Variants in ZZZ3 observed in about 807,000 individuals in gnomAD.
The protein encoded by ZZZ3 is zinc finger ZZ-type containing 3, also known as ZZ-type zinc finger-containing protein 3.
A neutral mutation model predicts 95.2 loss-of-function variants in ZZZ3; 22 were observed. That is an observed-to-expected ratio of 0.23 (90% CI 0.17 to 0.33). The LOEUF is 0.33. Ranked by LOEUF, ZZZ3 falls within the 10% of genes least tolerant of loss-of-function variation. The pLI, the probability that ZZZ3 is intolerant of heterozygous loss-of-function variation, is 1.00. For synonymous variants in ZZZ3, 335 were observed against 358.9 expected, an observed-to-expected ratio of 0.93 and a Z score of 0.75; for missense variants, 885 against 1,066.5, an observed-to-expected ratio of 0.83 and a Z score of 2.37.
chr1:77,653,739 T>C (rs539266269), intron 1 of ZZZ3, among the ~76,000 whole-genome samples: 2 of 150,404 alleles, frequency 1.3e-5, no homozygotes, highest in East Asian at 4.1e-4. Flanking sequence ...GGGAACAAGA[T>C]TGAAACTCTG....
chr1:77,620,419 AT>A (rs1666734643), intron 5 of ZZZ3, among the ~76,000 whole-genome samples: 1 of 151,974 alleles, frequency 6.6e-6, no homozygotes, highest in African/African-American at 2.4e-5. Context: ...ATAAGGAAGT[AT>A]GTTAAGTAAT....
At chr1:77,646,126 G>T (rs1156584799) in intron 1 of ZZZ3, among the ~76,000 whole-genome samples, 1 of 151,998 alleles carries the variant, frequency 6.6e-6, no homozygotes, top group Non-Finnish European at 1.5e-5. Context: ...TTCTCAAATT[G>T]TTCCTACCTC....
chr1:77,667,937 G>C (rs945205229), intron 1 of ZZZ3, among the ~76,000 whole-genome samples: 1 of 151,646 alleles, frequency 6.6e-6, no homozygotes, highest in African/African-American at 2.4e-5. Flanking sequence ...GCTAATTTTT[G>C]TATTTTTAGT....
chr1:77,631,631 T>C (rs1396781933), intron 5 of ZZZ3, among the ~76,000 whole-genome samples: 14 of 152,024 alleles, frequency 9.2e-5, no homozygotes. Flanking sequence ...AGACATGAAA[T>C]ATCAGAACTG....
At chr1:77,577,112 AG>A (rs1286095748) in intron 11 of ZZZ3, among the ~76,000 whole-genome samples, 1 of 152,208 alleles carries the variant, frequency 6.6e-6, no homozygotes, top group African/African-American at 2.4e-5. Flanking sequence ...TCAATAGCAC[AG>A]TCACAAAGAA....
At chr1:77,617,435 G>T (rs1465401773) in intron 5 of ZZZ3, among the ~76,000 whole-genome samples, 2 of 152,124 alleles carry the variant, frequency 1.3e-5, no homozygotes, top group Non-Finnish European at 2.9e-5. Flanking sequence ...ATGGTTTCAA[G>T]ATTCATTCAT....
chr1:77,635,900 T>C (rs1454851037), intron 4 of ZZZ3, among the ~76,000 whole-genome samples: 1 of 151,860 alleles, frequency 6.6e-6, no homozygotes, highest in Non-Finnish European at 1.5e-5. Flanking sequence ...AGCGAGACTC[T>C]GTCTCAAAAA....
intron 5 of ZZZ3, among the ~76,000 whole-genome samples, chr1:77,614,503 TATA>T (rs920919798): frequency 3.9e-5 from 6 of 152,336 alleles, no homozygotes; most frequent in South Asian, 4.1e-4. Context: ...TTAAATCCCC[TATA>T]ATATCTTTAT....
chr1:77,640,070 A>C (rs1430642914), intron 3 of ZZZ3, among the ~76,000 whole-genome samples: 1 of 152,106 alleles, frequency 6.6e-6, no homozygotes, highest in Non-Finnish European at 1.5e-5. Flanking sequence ...TAATCAACCA[A>C]ATCTTCTATA....
chr1:77,653,701 C>G (rs1207571003), intron 1 of ZZZ3, among the ~76,000 whole-genome samples: 1 of 151,644 alleles, frequency 6.6e-6, no homozygotes, highest in African/African-American at 2.4e-5. Context: ...TGCGGTGAGC[C>G]TAGATCGTGC....
intron 5 of ZZZ3, among the ~76,000 whole-genome samples, chr1:77,603,994 T>C (rs1664987167): frequency 6.6e-6 from 1 of 151,646 alleles, no homozygotes; most frequent in African/African-American, 2.4e-5. Context: ...TGAGAACCCA[T>C]CTCTACAAAA....
chr1:77,639,571 C>T lies in ZZZ3; in HGVS notation c.-174G>A. 1.2e-6 allele frequency: 1 copy of T among 862,260 alleles called. No homozygotes were observed. The highest frequency in any genetic ancestry group is 3.2e-5 in the East Asian group (1 of 31,274). 53.4% of individuals were successfully genotyped at this position (862,260 alleles called of 1,614,324 possible). On this transcript the variant is annotated 5_prime_UTR_variant, in exon 4 of 15. Coordinates refer to ENST00000370801, the MANE Select transcript of ZZZ3 (RefSeq NM_015534.6). ...GGGTTTCAGACTCTCTCAGCTTCAG[C>T]CATGAAGAATACTAGAACCTCCTAA...
chr1:77,682,281 G>A (rs1280522508), intron 1 of ZZZ3, among the ~76,000 whole-genome samples: 1 of 152,166 alleles, frequency 6.6e-6, no homozygotes, highest in Non-Finnish European at 1.5e-5. Flanking sequence ...GGCAAGAAGG[G>A]AAAAACTGAC....
intron 4 of ZZZ3, among the ~76,000 whole-genome samples, chr1:77,639,065 CGGTAGGTAGGTA>C (rs4032278): frequency 6.6e-6 from 1 of 150,852 alleles, no homozygotes; most frequent in African/African-American, 2.4e-5. Flanking sequence ...GACAGATGGT[CGGTAGGTAGGTA>C]GGTAGGTAGG....
At chr1:77,676,172 G>A (rs1672248092) in intron 1 of ZZZ3, among the ~76,000 whole-genome samples, 1 of 152,112 alleles carries the variant, frequency 6.6e-6, no homozygotes, top group African/African-American at 2.4e-5. Flanking sequence ...GTACTTGTTG[G>A]TTGGGGGTTT....
chr1:77,679,817 A>C (rs1393103100), intron 1 of ZZZ3, among the ~76,000 whole-genome samples: 2 of 152,342 alleles, frequency 1.3e-5, no homozygotes, highest in Non-Finnish European at 2.9e-5. Flanking sequence ...CCATGTAAAA[A>C]TACATTTTTC....
In ZZZ3 at chr1:77,633,072, T is replaced by C; in HGVS notation, c.283A>G (p.Asn95Asp). Residue 95 changes from asparagine to aspartate, a missense_variant, in exon 5 of 15, where the codon AAC becomes GAC. Asn to Asp is a conservative substitution (Grantham distance 23). Around this residue, in one of 5 missense-constraint regions of ZZZ3, gnomAD observed 556 missense variants for 652.9 expected, o/e 0.85. Transcript: ENST00000370801. ...TTTTCTATAGCCTGCCTTTCTATGT[T>C]ATCCTTTTCTGAAGAAGAAAGTCCT... is the stretch of plus-strand genomic sequence containing the variant. ...KRGLSSSEKD[N>D]IERQAIENCE... 2.5e-6 allele frequency: 4 copies of C among 1,613,968 alleles called. No individual in the cohort carries two copies. Among genetic ancestry groups the C allele is most frequent in the Non-Finnish European group, 3.4e-6 (4 of 1,180,020 alleles).
At chr1:77,580,905 C>T (rs1662446212) in intron 9 of ZZZ3, 93 bp downstream of exon 9, 7 of 1,063,706 alleles carry the variant, frequency 6.6e-6, no homozygotes, top group South Asian at 3.9e-5. Flanking sequence ...GGATTACAGG[C>T]GTGAGCCACT....
At chr1:77,605,246 C>T (rs1056781455) in intron 5 of ZZZ3, among the ~76,000 whole-genome samples, 1 of 152,190 alleles carries the variant, frequency 6.6e-6, no homozygotes, top group Non-Finnish European at 1.5e-5. Context: ...AGAGGGCACT[C>T]ATCATGAGAC....
Sources: gnomAD v4.1 joint callset for allele counts (sites outside exome capture counted in the v4.1 genomes callset) on GRCh38, gnomAD v4.1.1 for gene constraint, gnomAD v4.1.1 regional missense constraint, MANE v1.5 for transcripts, NCBI Gene and HGNC (gene_info 2026-07-23, HGNC 2026-07-21) for gene names.